Variants in KIR2DL1 observed in about 807,000 individuals in gnomAD.
KIR2DL1 encodes killer cell immunoglobulin like receptor, two Ig domains and long cytoplasmic tail 1.
Under a neutral mutation model 33.9 loss-of-function variants are expected in KIR2DL1, and 38 were observed. The ratio of observed to expected loss-of-function variants is 1.12; its 90% confidence interval spans 0.86 to 1.47. The LOEUF (loss-of-function observed/expected upper bound fraction) is 1.47, where lower values mean the gene tolerates loss of function less well. Among genes scored for constraint, KIR2DL1 ranks in the 40% most tolerant of loss-of-function variants. The pLI is 0.00. For synonymous variants in KIR2DL1, 179 were observed against 165.9 expected, an observed-to-expected ratio of 1.08 and a Z score of -0.61; for missense variants, 531 against 433.9, an observed-to-expected ratio of 1.22 and a Z score of -1.99.
chr19:54,774,969 G>T (rs1048637827), intron 3 of KIR2DL1, among the ~76,000 whole-genome samples, 196 bp from the exon 4 acceptor site: 6 of 148,142 alleles, frequency 4.1e-5, no homozygotes, highest in Admixed American at 6.8e-5. Flanking sequence ...TCTAGAGGTG[G>T]GGAAGTGAGG....
At position 54,775,112 on chromosome 19, in the gene KIR2DL1, G is replaced by A; in HGVS notation, c.371-53G>A. 2.0e-6 allele frequency: 3 copies of A among 1,518,646 alleles called. No homozygotes were observed. The East Asian group carries it at 6.8e-5, about 34-fold the overall frequency. The allele number at this position is 1,518,646 out of a possible 1,614,324, so 94.1% of individuals were successfully genotyped here. A position where few individuals can be genotyped will look rare whatever the true frequency, so the allele number is the denominator to read the frequency against. The stretch of plus-strand genomic sequence containing the variant: ...GAGTGAGTTCTCAGCTCAGGTGAAG[G>A]GAGCTGTGACAAAGAAGATCCTCCC... On this transcript the variant is annotated intron_variant, in intron 3 of 7. Coordinates refer to ENST00000336077, the MANE Select transcript of KIR2DL1 (RefSeq NM_014218.3).
intron 2 of KIR2DL1, among the ~76,000 whole-genome samples, chr19:54,771,905 C>T (rs1382661868): frequency 1.4e-5 from 2 of 147,586 alleles, no homozygotes; most frequent in Admixed American, 1.4e-4. Context: ...TCAGAGGGCT[C>T]CTGTCTGGGA....
intron 5 of KIR2DL1, among the ~76,000 whole-genome samples, chr19:54,781,601 C>T (rs2076954594): frequency 6.6e-6 from 1 of 151,322 alleles, no homozygotes; most frequent in African/African-American, 2.4e-5. Flanking sequence ...CCTACTAATT[C>T]ACAGGAGGAC....
In KIR2DL1 at chr19:54,782,979, T is replaced by A. The variant is rs1430699771; in HGVS notation, c.773T>A (p.Ile258Asn). The A allele has an allele frequency of 3.7e-6, 6 of 1,613,446 alleles. No homozygotes were observed. Among genetic ancestry groups the A allele is most frequent in the Non-Finnish European group, 4.2e-6 (5 of 1,179,794 alleles). Residue 258 changes from isoleucine to asparagine, a missense_variant, in exon 6 of 8, where the codon ATC becomes AAC. By Grantham distance (149) the Ile-to-Asn change is moderately radical (BLOSUM62 -3). Coordinates refer to ENST00000336077, the MANE Select transcript of KIR2DL1 (RefSeq NM_014218.3). ...IGTSVVIILF[I>N]LLFFLLHRWC... is the part of the protein sequence containing the mutation. ...ACCTCAGTGGTCATCATCCTCTTCA[T>A]CCTCCTCTTCTTTCTCCTTCATCGC...
chr19:54,772,049 A>ACTG (rs375229544), intron 2 of KIR2DL1, among the ~76,000 whole-genome samples: 19,027 of 145,328 alleles, frequency 0.13, 1,324 homozygotes, highest in South Asian at 0.21. Flanking sequence ...GGTGGGAAGA[A>ACTG]TAATTGTCCC....
intron 5 of KIR2DL1, among the ~76,000 whole-genome samples, chr19:54,780,558 A>G (rs2076823881): frequency 6.9e-6 from 1 of 144,580 alleles, no homozygotes; most frequent in African/African-American, 2.6e-5. Flanking sequence ...GAATCCCTAC[A>G]TGATTAATAT....
At chr19:54,782,643 C>A (rs907908489) in intron 5 of KIR2DL1, among the ~76,000 whole-genome samples, 11 of 152,102 alleles carry the variant, frequency 7.2e-5, no homozygotes, top group Non-Finnish European at 8.8e-5. Flanking sequence ...GACCCAAACA[C>A]CTCTCAAGAG....
chr19:54,779,565 A>G lies in KIR2DL1; in HGVS notation c.715+903A>G, dbSNP rs1339983455. ...ACTTGGGGATTCTATTGGGTTCACC[A>G]AGATGAAAATCCCTCATAATCTCCT... On this transcript the variant is annotated intron_variant, in intron 5 of 7. Transcript: ENST00000336077. Among the ~76,000 whole-genome samples, 16 of 146,508 alleles carry G rather than the reference A, an allele frequency of 1.1e-4. 1 individual carries two copies. The highest frequency in any genetic ancestry group is 2.1e-4 in the Non-Finnish European group (14 of 65,676).
chr19:54,773,480 T>A lies in KIR2DL1; in HGVS notation c.218T>A (p.Ile73Asn). ...ATGTTTAACGACACTTTGCGCCTCATTGGAGAACACCATGATGGGGTCTCC... is the reference window on the plus strand; with the variant it reads ...ATGTTTAACGACACTTTGCGCCTCAATGGAGAACACCATGATGGGGTCTCC... ...EGMFNDTLRL[I>N]GEHHDGVSKA... Residue 73 changes from isoleucine to asparagine, a missense_variant, in exon 3 of 8, where the codon ATT (isoleucine) becomes AAT (asparagine). Physicochemically the swap from Ile to Asn is moderately radical, Grantham distance 149. Transcript: ENST00000336077. 1.3e-6 allele frequency: 2 copies of A among 1,586,574 alleles called. No homozygotes were observed. Among genetic ancestry groups the A allele is most frequent in the Non-Finnish European group, 8.6e-7 (1 of 1,158,186 alleles).
intron 2 of KIR2DL1, among the ~76,000 whole-genome samples, chr19:54,771,086 C>T (rs200800001): frequency 1.4e-5 from 2 of 140,446 alleles, no homozygotes; most frequent in Admixed American, 7.3e-5. Flanking sequence ...GGTTAGACTA[C>T]GGTGCTCAAA....
intron 5 of KIR2DL1, among the ~76,000 whole-genome samples, chr19:54,779,581 A>T (rs1161146747): frequency 6.8e-6 from 1 of 146,712 alleles, no homozygotes; most frequent in East Asian, 1.9e-4. Context: ...AAAATCCCTC[A>T]TAATCTCCTG....
rs1458440152 is a variant in KIR2DL1 at position 54,773,105 on chromosome 19, C to G, written c.71-228C>G. On this transcript the variant is annotated intron_variant, in intron 2 of 7. Coordinates refer to ENST00000336077, the MANE Select transcript of KIR2DL1 (RefSeq NM_014218.3). Reference sequence around the variant, plus strand: ...CAACAGCCCAAGAGATGAGGCTGAGCCCAGCGGCAAGGGAATCAGAGGCTA... The same window carrying G: ...CAACAGCCCAAGAGATGAGGCTGAGGCCAGCGGCAAGGGAATCAGAGGCTA... Among the ~76,000 whole-genome samples, 15 of 148,362 alleles carry G rather than the reference C, an allele frequency of 1.0e-4. 2 individuals carry two copies. The highest frequency in any genetic ancestry group is 1.5e-4 in the African/African-American group (6 of 40,674).
intron 5 of KIR2DL1, among the ~76,000 whole-genome samples, chr19:54,782,512 G>A (rs1056542485): frequency 6.6e-6 from 1 of 152,080 alleles, no homozygotes; most frequent in African/African-American, 2.4e-5. Flanking sequence ...GGGGGAGGGG[G>A]AGTGATGGAG....
chr19:54,782,892 G>C (rs377343184), intron 5 of KIR2DL1, 30 bp from the exon 6 acceptor site: 10 of 1,600,024 alleles, frequency 6.2e-6, no homozygotes, highest in Non-Finnish European at 7.7e-6. Flanking sequence ...GCTAAGATTA[G>C]CTTCTTATTG....
chr19:54,771,242 A>G (rs1406576338), intron 2 of KIR2DL1, among the ~76,000 whole-genome samples: 1 of 145,826 alleles, frequency 6.9e-6, no homozygotes, highest in South Asian at 2.2e-4. Flanking sequence ...AACCACAGCC[A>G]TGGCCCTGAC....
At chr19:54,779,193 C>A (rs77364841) in intron 5 of KIR2DL1, among the ~76,000 whole-genome samples, 4 of 127,322 alleles carry the variant, frequency 3.1e-5, no homozygotes, top group Non-Finnish European at 7.0e-5. Context: ...CAGTGTGGAA[C>A]CTTTTCCTAT....
At chr19:54,781,984 A>G (rs2077012739) in intron 5 of KIR2DL1, among the ~76,000 whole-genome samples, 1 of 152,094 alleles carries the variant, frequency 6.6e-6, no homozygotes, top group Admixed American at 6.5e-5. Flanking sequence ...AGGGAGACAG[A>G]ACACACAGAG....
intron 5 of KIR2DL1, among the ~76,000 whole-genome samples, 165 bp from the exon 6 acceptor site, chr19:54,782,757 G>T (rs1200822926): frequency 6.6e-6 from 1 of 151,764 alleles, no homozygotes; most frequent in Non-Finnish European, 1.5e-5. Flanking sequence ...TGGTTACTAT[G>T]AGAGCTATAA....
chr19:54,782,982 T>G lies in KIR2DL1; in HGVS notation c.776T>G (p.Leu259Arg). Residue 259 changes from leucine to arginine, a missense_variant, in exon 6 of 8, where the codon CTC becomes CGC. Leu to Arg is a moderately radical substitution (Grantham distance 102, BLOSUM62 -2). Coordinates refer to ENST00000336077, the MANE Select transcript of KIR2DL1 (RefSeq NM_014218.3). ...TCAGTGGTCATCATCCTCTTCATCC[T>G]CCTCTTCTTTCTCCTTCATCGCTGG... ...GTSVVIILFI[L>R]LFFLLHRWCS... 1.2e-6 allele frequency: 2 copies of G among 1,613,756 alleles called. No individual in the cohort carries two copies. Among genetic ancestry groups the G allele is most frequent in the Non-Finnish European group, 1.7e-6 (2 of 1,179,892 alleles).
Sources: allele counts gnomAD v4.1 joint callset (sites outside exome capture counted in the v4.1 genomes callset), GRCh38; gene constraint gnomAD v4.1.1; transcripts MANE v1.5; gene names NCBI Gene and HGNC (gene_info 2026-07-23, HGNC 2026-07-21).